Variants in KCNIP1 observed in about 807,000 individuals in gnomAD.
KCNIP1 encodes A-type potassium channel modulatory protein KCNIP1.
Under a neutral mutation model 33.0 loss-of-function variants are expected in KCNIP1, and 18 were observed. The observed-to-expected ratio is 0.55, with a 90% CI of 0.38 to 0.81. KCNIP1 has a LOEUF of 0.81. KCNIP1 is among the 30% of genes least tolerant of loss of function. The pLI is 0.00. For missense variants in KCNIP1, 238 were observed against 271.6 expected (o/e 0.88, Z 0.87); for synonymous variants, 93 against 98.3 (o/e 0.95, Z 0.32).
intron 1 of KCNIP1, among the ~76,000 whole-genome samples, chr5:170,600,210 C>T (rs1224363298): frequency 6.6e-6 from 1 of 151,844 alleles, no homozygotes; most frequent in Non-Finnish European, 1.5e-5. Flanking sequence ...GTTCTTAATC[C>T]CGTACTTAAG....
chr5:170,685,552 G>A (rs546300423), intron 1 of KCNIP1, among the ~76,000 whole-genome samples: 66 of 151,948 alleles, frequency 4.3e-4, no homozygotes, highest in Non-Finnish European at 8.7e-4. Flanking sequence ...ACAGTGGCAC[G>A]ATCTCAGCTC....
At chr5:170,692,021 G>A (rs1762739189) in intron 1 of KCNIP1, among the ~76,000 whole-genome samples, 1 of 152,108 alleles carries the variant, frequency 6.6e-6, no homozygotes, top group Non-Finnish European at 1.5e-5. Flanking sequence ...GCTTCCCCAG[G>A]GAGACATTCA....
intron 4 of KCNIP1, 148 bp from the exon 5 acceptor site, chr5:170,722,565 T>C (rs1023357507): frequency 2.4e-5 from 16 of 666,406 alleles, no homozygotes; most frequent in African/African-American, 7.5e-5. Context: ...GCAGGAGCTC[T>C]TCACAGAGCA....
chr5:170,430,234 A>G (rs997215092), intron 1 of KCNIP1, among the ~76,000 whole-genome samples: 1 of 152,312 alleles, frequency 6.6e-6, no homozygotes, highest in Middle Eastern at 3.4e-3. Flanking sequence ...GGGGCTTTTC[A>G]TGGTTCCAGC....
intron 1 of KCNIP1, among the ~76,000 whole-genome samples, chr5:170,373,176 A>G (rs1423066542): frequency 6.6e-6 from 1 of 152,262 alleles, no homozygotes; most frequent in African/African-American, 2.4e-5. Flanking sequence ...CAGAGGTGAC[A>G]TGAGAAAGAA....
chr5:170,612,766 A>G (rs1285997986), intron 1 of KCNIP1, among the ~76,000 whole-genome samples: 1 of 152,156 alleles, frequency 6.6e-6, no homozygotes, highest in Non-Finnish European at 1.5e-5. Context: ...AGAGAACTCA[A>G]TTTGACCCAT....
intron 1 of KCNIP1, among the ~76,000 whole-genome samples, chr5:170,478,142 G>A (rs1478878060): frequency 6.6e-6 from 1 of 152,192 alleles, no homozygotes; most frequent in East Asian, 1.9e-4. Context: ...AGCCAGAGAG[G>A]CAACAGTGGT....
At chr5:170,369,113 A>T (rs551422651) in intron 1 of KCNIP1, among the ~76,000 whole-genome samples, 1 of 152,250 alleles carries the variant, frequency 6.6e-6, no homozygotes, top group Non-Finnish European at 1.5e-5. Context: ...AGTGTAGTAT[A>T]GTATTTAAGG....
intron 1 of KCNIP1, among the ~76,000 whole-genome samples, chr5:170,552,085 A>G (rs1396903642): frequency 6.6e-6 from 1 of 152,012 alleles, no homozygotes; most frequent in African/African-American, 2.4e-5. Context: ...CCAGTCCCCT[A>G]CTGCGTAGAT....
chr5:170,712,685 G>A (rs1176862560), intron 1 of KCNIP1, among the ~76,000 whole-genome samples: 1 of 152,274 alleles, frequency 6.6e-6, no homozygotes, highest in Non-Finnish European at 1.5e-5. Context: ...TTCTGACCAT[G>A]GGAAAAGGAC....
intron 1 of KCNIP1, among the ~76,000 whole-genome samples, chr5:170,581,351 A>C (rs1039453301): frequency 1.3e-5 from 2 of 152,172 alleles, no homozygotes; most frequent in Non-Finnish European, 2.9e-5. Context: ...CACTTCCTAC[A>C]CCACCTGGAT....
chr5:170,399,044 T>C (rs1041343695), intron 1 of KCNIP1, among the ~76,000 whole-genome samples: 1 of 152,198 alleles, frequency 6.6e-6, no homozygotes, highest in African/African-American at 2.4e-5. Flanking sequence ...AGGAGGAGCA[T>C]GCCATCCTTT....
intron 1 of KCNIP1, among the ~76,000 whole-genome samples, chr5:170,490,676 G>T (rs1040646393): frequency 6.6e-6 from 1 of 152,098 alleles, no homozygotes; most frequent in South Asian, 2.1e-4. Context: ...AAAAGAAAAG[G>T]TTATTAAAAA....
chr5:170,496,123 G>A (rs1757306556), intron 1 of KCNIP1, among the ~76,000 whole-genome samples: 2 of 152,200 alleles, frequency 1.3e-5, no homozygotes, highest in African/African-American at 2.4e-5. Context: ...AGGGTCTTCA[G>A]GCTGCAGGAG....
chr5:170,532,002 A>G (rs931985915), intron 1 of KCNIP1, among the ~76,000 whole-genome samples: 1 of 152,222 alleles, frequency 6.6e-6, no homozygotes, highest in Admixed American at 6.5e-5. Flanking sequence ...TTGCGTAGGC[A>G]GCTCTCCAGC....
intron 1 of KCNIP1, among the ~76,000 whole-genome samples, chr5:170,593,695 C>G (rs957692005): frequency 1.3e-5 from 2 of 152,140 alleles, no homozygotes; most frequent in African/African-American, 2.4e-5. Flanking sequence ...CCTCATTAAG[C>G]GAGACATCAT....
intron 1 of KCNIP1, chr5:170,483,712 A>G (rs993661211): frequency 2.0e-5 from 3 of 152,232 alleles, no homozygotes; most frequent in Non-Finnish European, 2.9e-5. Flanking sequence ...TCCATGGGAT[A>G]AAAACGCAGC....
chr5:170,354,143 A>G (rs990473381), intron 1 of KCNIP1, among the ~76,000 whole-genome samples: 4 of 152,138 alleles, frequency 2.6e-5, no homozygotes, highest in Non-Finnish European at 5.9e-5. Context: ...GTAGGCGGGC[A>G]CCCAGCCAGG....
In KCNIP1 at chr5:170,622,000, T is replaced by A. The variant is rs138213943; in HGVS notation, c.62-96758T>A. Reference sequence around the variant, plus strand: ...CCAGTTCCCCTTGCAAGCAGCCGTGTGACTTGCAGCAAGTCATTGAATCCC... The same window carrying A: ...CCAGTTCCCCTTGCAAGCAGCCGTGAGACTTGCAGCAAGTCATTGAATCCC... On this transcript the variant is annotated intron_variant, in intron 1 of 7. Transcript: ENST00000328939. 4.7e-4 allele frequency among the ~76,000 whole-genome samples: 71 copies of A among 152,322 alleles called. No individual in the cohort carries two copies. The East Asian group carries it at 0.011, about 24-fold the overall frequency.
Sources: allele counts gnomAD v4.1 joint callset (sites outside exome capture counted in the v4.1 genomes callset), GRCh38; gene constraint gnomAD v4.1.1; transcripts MANE v1.5; gene names NCBI Gene and HGNC (gene_info 2026-07-23, HGNC 2026-07-21).